Variants in DLEU7 observed in about 807,000 individuals in gnomAD.
DLEU7 encodes the protein deleted in lymphocytic leukemia 7.
A neutral mutation model predicts 16.0 loss-of-function variants in DLEU7; 17 were observed. That is an observed-to-expected ratio of 1.06 (90% CI 0.73 to 1.59). The LOEUF is 1.59. Ranked by LOEUF, DLEU7 falls within the 40% of genes most tolerant of loss-of-function variation. DLEU7 has a pLI of 0.00. For missense variants in DLEU7, 308 were observed against 314.9 expected, an observed-to-expected ratio of 0.98 and a Z score of 0.17; for synonymous variants, 113 against 139.8, an observed-to-expected ratio of 0.81 and a Z score of 1.35.
intron 1 of DLEU7, among the ~76,000 whole-genome samples, chr13:50,815,888 A>G (rs1400073351): frequency 6.6e-6 from 1 of 151,252 alleles, no homozygotes; most frequent in Non-Finnish European, 1.5e-5. Context: ...TTTATGAAAA[A>G]TTCAAAAATT....
chr13:50,749,817 G>A (rs57834026), intron 1 of DLEU7, among the ~76,000 whole-genome samples: 5,012 of 152,064 alleles, frequency 0.033, 170 homozygotes, highest in African/African-American at 0.089. Flanking sequence ...ATTTGAGTTC[G>A]TTGTAGATTC....
At chr13:50,773,225 C>T (rs1261502287) in intron 1 of DLEU7, among the ~76,000 whole-genome samples, 2 of 152,150 alleles carry the variant, frequency 1.3e-5, no homozygotes, top group Non-Finnish European at 2.9e-5. Context: ...CCTCCTTTAG[C>T]TTGGAGAAGT....
At chr13:50,756,902 C>T (rs1490307550) in intron 1 of DLEU7, among the ~76,000 whole-genome samples, 1 of 152,224 alleles carries the variant, frequency 6.6e-6, no homozygotes, top group Non-Finnish European at 1.5e-5. Flanking sequence ...CCGCTGCTTC[C>T]TCTACCCCTG....
chr13:50,751,763 GAT>G (rs761968280), intron 1 of DLEU7, among the ~76,000 whole-genome samples: 2 of 152,128 alleles, frequency 1.3e-5, no homozygotes, highest in Non-Finnish European at 2.9e-5. Context: ...GTATTTCAGC[GAT>G]GTCAGTTATA....
chr13:50,719,970 A>T (rs937743815), intron 1 of DLEU7, among the ~76,000 whole-genome samples: 2 of 152,228 alleles, frequency 1.3e-5, no homozygotes, highest in Non-Finnish European at 2.9e-5. Context: ...AGTAGGCACA[A>T]TTCAAATATT....
intron 1 of DLEU7, among the ~76,000 whole-genome samples, chr13:50,774,583 GCACTTACCCT>G (rs1206015885): frequency 6.6e-6 from 1 of 152,080 alleles, no homozygotes; most frequent in Non-Finnish European, 1.5e-5. Flanking sequence ...ATTTTTAGTT[GCACTTACCCT>G]ATTTGGGATT....
At chr13:50,757,364 C>T (rs1351988234) in intron 1 of DLEU7, among the ~76,000 whole-genome samples, 1 of 152,290 alleles carries the variant, frequency 6.6e-6, no homozygotes, top group East Asian at 1.9e-4. Context: ...TCATAGGAAC[C>T]TTGACTTCAA....
intron 1 of DLEU7, among the ~76,000 whole-genome samples, chr13:50,745,988 T>C (rs184820605): frequency 1.4e-4 from 22 of 152,288 alleles, no homozygotes; most frequent in African/African-American, 5.1e-4. Flanking sequence ...CTACTGTATA[T>C]TTAGGGAACC....
intron 1 of DLEU7, among the ~76,000 whole-genome samples, chr13:50,778,034 C>T (rs1875554152): frequency 6.6e-6 from 1 of 152,146 alleles, no homozygotes; most frequent in East Asian, 1.9e-4. Context: ...TCCATTTTCA[C>T]ACTGCTACAA....
exon 2 of DLEU7, chr13:50,712,210 T>A (rs1266314355): frequency 6.6e-6 from 1 of 152,226 alleles, no homozygotes; most frequent in Non-Finnish European, 1.5e-5. Flanking sequence ...GAGGGAACTT[T>A]GGGATTTTTC....
intron 1 of DLEU7, among the ~76,000 whole-genome samples, chr13:50,755,904 G>C (rs1874743223): frequency 6.6e-6 from 1 of 152,192 alleles, no homozygotes; most frequent in African/African-American, 2.4e-5. Flanking sequence ...CCCATGGGGT[G>C]TTCCCTTGAT....
intron 1 of DLEU7, among the ~76,000 whole-genome samples, chr13:50,792,959 A>G (rs941930713): frequency 6.6e-6 from 1 of 151,934 alleles, no homozygotes; most frequent in Non-Finnish European, 1.5e-5. Context: ...TGGAATATGA[A>G]TGAATTCATC....
intron 1 of DLEU7, among the ~76,000 whole-genome samples, chr13:50,773,874 C>T (rs1365492359): frequency 6.6e-6 from 1 of 152,194 alleles, no homozygotes; most frequent in Non-Finnish European, 1.5e-5. Flanking sequence ...ATGCCCTGCC[C>T]CCAGAGATGG....
At chr13:50,742,330 CT>C (rs1265754467) in intron 1 of DLEU7, among the ~76,000 whole-genome samples, 1 of 152,116 alleles carries the variant, frequency 6.6e-6, no homozygotes, top group African/African-American at 2.4e-5. Context: ...TTATTGTCCT[CT>C]TATGTGTACT....
At chr13:50,831,653 G>T (rs757276511) in intron 1 of DLEU7, among the ~76,000 whole-genome samples, 11 of 152,122 alleles carry the variant, frequency 7.2e-5, no homozygotes, top group Non-Finnish European at 1.3e-4. Flanking sequence ...TGGCCCACAC[G>T]CCTGAGCACC....
intron 1 of DLEU7, among the ~76,000 whole-genome samples, chr13:50,803,709 G>A (rs1876309338): frequency 6.6e-6 from 1 of 152,052 alleles, no homozygotes; most frequent in Non-Finnish European, 1.5e-5. Flanking sequence ...AAAAGGTGAT[G>A]CATTTCTTTA....
At chr13:50,727,258 C>A (rs79130392) in intron 1 of DLEU7, among the ~76,000 whole-genome samples, 1 of 151,500 alleles carries the variant, frequency 6.6e-6, no homozygotes, top group African/African-American at 2.4e-5. Context: ...AGGAGGTTTC[C>A]GAATGTATGA....
At chr13:50,830,786 C>T (rs1877238452) in intron 1 of DLEU7, among the ~76,000 whole-genome samples, 1 of 152,130 alleles carries the variant, frequency 6.6e-6, no homozygotes, top group Non-Finnish European at 1.5e-5. Context: ...AGGGACTTTG[C>T]AGATGTTACT....
In DLEU7 at chr13:50,843,458, G is replaced by A. The variant is rs568834395; in HGVS notation, c.189C>T (p.Pro63=). ...RSGPPRARPG[P]GREERGGGVG... ...CGCCCCCGCCCCGCTCCTCGCGCCC[G>A]GGCCCCGGCCGGGCCCGCGGCGGGC... Residue 63 remains proline, a synonymous_variant, in exon 1 of 2, where the codon CCC becomes CCT. Coordinates refer to ENST00000504404, the MANE Select transcript of DLEU7 (RefSeq NM_001306135.2). This position sits in a 1 kb window ranked among gnomAD's most constrained non-coding sequence, Gnocchi z 5.7. 3 of 1,320,864 alleles carry A rather than the reference G, an allele frequency of 2.3e-6. No homozygotes were observed. The highest frequency in any genetic ancestry group is 3.1e-5 in the East Asian group (1 of 31,894). The allele number at this position is 1,320,864 out of a possible 1,614,324, so 81.8% of individuals were successfully genotyped here.
Sources: gnomAD v4.1 joint callset for allele counts (sites outside exome capture counted in the v4.1 genomes callset) on GRCh38, gnomAD v4.1.1 for gene constraint, Gnocchi (gnomAD v3.1) non-coding constraint, MANE v1.5 for transcripts, NCBI Gene and HGNC (gene_info 2026-07-23, HGNC 2026-07-21) for gene names.